Variants in TENM1 observed in about 807,000 individuals in gnomAD.
TENM1 encodes the protein teneurin transmembrane protein 1.
TENM1 carries 35 observed loss-of-function variants against 174.8 expected under a neutral mutation model. That is an observed-to-expected ratio of 0.20 (90% confidence interval 0.15 to 0.27). The LOEUF (loss-of-function observed/expected upper bound fraction) is 0.27. Ranked by LOEUF, TENM1 falls within the 10% of genes least tolerant of loss-of-function variation. TENM1 has a pLI of 1.00. For missense variants in TENM1, 1,633 were observed against 2,130.1 expected (o/e 0.77, Z 4.59); for synonymous variants, 781 against 798.7 (o/e 0.98, Z 0.37).
chrX:124,585,088 G>T (rs2049458674), intron 11 of TENM1, among the ~76,000 whole-genome samples: 1 of 110,206 alleles, frequency 9.1e-6, no homozygotes, highest in African/African-American at 3.3e-5. Flanking sequence ...ATAATAATGG[G>T]AGACTTTAAC....
chrX:124,993,280 G>C, the TENM1 span, among the ~76,000 whole-genome samples: 4 of 111,009 alleles, frequency 3.6e-5, no homozygotes, highest in African/African-American at 1.3e-4. Flanking sequence ...AAATGAGCTA[G>C]TATTTTATAA....
At chrX:124,862,593 G>C (rs1202085869) in intron 3 of TENM1, among the ~76,000 whole-genome samples, 1 of 111,241 alleles carries the variant, frequency 9.0e-6, no homozygotes, top group Non-Finnish European at 1.9e-5. Flanking sequence ...GCCAGGGAGG[G>C]AATCACTGAT....
intron 11 of TENM1, among the ~76,000 whole-genome samples, chrX:124,627,275 A>G (rs1314331633): frequency 1.8e-5 from 2 of 111,796 alleles, no homozygotes. Context: ...CTACTGTCAT[A>G]GTATGTGGTT....
the TENM1 span, among the ~76,000 whole-genome samples, chrX:125,096,284 C>T: frequency 1.8e-5 from 2 of 111,841 alleles, no homozygotes; most frequent in African/African-American, 6.5e-5. Context: ...GCTGATGTGG[C>T]TAAACAGCAA....
the TENM1 span, among the ~76,000 whole-genome samples, chrX:125,190,781 G>A: frequency 9.1e-6 from 1 of 110,489 alleles, no homozygotes; most frequent in African/African-American, 3.3e-5. Flanking sequence ...TAGTTATATA[G>A]TCTAATTACA....
At chrX:124,718,400 G>C (rs2053235925) in intron 4 of TENM1, among the ~76,000 whole-genome samples, 1 of 112,255 alleles carries the variant, frequency 8.9e-6, no homozygotes, top group South Asian at 3.7e-4. Context: ...ATGACACACT[G>C]TATTTTTCCA....
intron 3 of TENM1, among the ~76,000 whole-genome samples, chrX:124,886,144 T>A (rs953940883): frequency 1.2e-4 from 13 of 111,605 alleles, no homozygotes; most frequent in Admixed American, 8.6e-4. Context: ...CTCAGCCATA[T>A]TTTTTTCCTT....
intron 11 of TENM1, among the ~76,000 whole-genome samples, chrX:124,634,476 T>C (rs2050832086): frequency 9.0e-6 from 1 of 111,564 alleles, no homozygotes. Context: ...AAATATCTTA[T>C]ATGTGAGTGG....
chrX:124,869,874 C>G (rs928143273), intron 3 of TENM1, among the ~76,000 whole-genome samples: 1 of 110,335 alleles, frequency 9.1e-6, no homozygotes, highest in African/African-American at 3.3e-5. Context: ...TTAATGTATA[C>G]AAAAAATAGA....
intron 11 of TENM1, among the ~76,000 whole-genome samples, chrX:124,586,855 T>G (rs1441352261): frequency 9.2e-5 from 10 of 108,233 alleles, no homozygotes; most frequent in Non-Finnish European, 1.9e-4. Flanking sequence ...GGATACAAAA[T>G]CCATGTACAA....
intron 1 of TENM1, among the ~76,000 whole-genome samples, chrX:124,909,726 G>A (rs887464454): frequency 3.6e-5 from 4 of 111,955 alleles, no homozygotes; most frequent in Admixed American, 1.9e-4. Flanking sequence ...GTCTGCAGGC[G>A]GACAAATAAA....
intron 3 of TENM1, among the ~76,000 whole-genome samples, chrX:124,753,115 C>T (rs1419121057): frequency 9.2e-6 from 1 of 108,829 alleles, no homozygotes; most frequent in South Asian, 4.0e-4. Flanking sequence ...TCTTCCTACC[C>T]ATGAGCATGG....
chrX:124,927,282 T>C (rs753638715), intron 1 of TENM1, among the ~76,000 whole-genome samples: 4 of 111,737 alleles, frequency 3.6e-5, no homozygotes, highest in Non-Finnish European at 7.5e-5. Flanking sequence ...ACAGGACCTA[T>C]TGAAGACTTC....
At chrX:124,473,979 C>T (rs182277735) in intron 22 of TENM1, among the ~76,000 whole-genome samples, 36 of 111,108 alleles carry the variant, frequency 3.2e-4, no homozygotes, top group Admixed American at 1.1e-3. Context: ...GAGGAGGGGT[C>T]GGCTAGTCAA....
At chrX:124,940,494 T>C (rs1238591322) in intron 1 of TENM1, among the ~76,000 whole-genome samples, 3 of 111,927 alleles carry the variant, frequency 2.7e-5, no homozygotes, top group Non-Finnish European at 5.6e-5. Flanking sequence ...AAACTTTCTT[T>C]TGTTCCCTGA....
chrX:124,427,645 G>C (rs918329080), intron 23 of TENM1, among the ~76,000 whole-genome samples: 2 of 111,928 alleles, frequency 1.8e-5, no homozygotes, highest in Non-Finnish European at 3.8e-5. Context: ...ACCTCTCGTA[G>C]CTTGTCAGTT....
the TENM1 span, among the ~76,000 whole-genome samples, chrX:124,977,949 TG>T: frequency 1.9e-5 from 1 of 51,803 alleles, no homozygotes; most frequent in African/African-American, 7.6e-5. Flanking sequence ...AGTGTGTGTG[TG>T]TGTGTGTGTG....
intron 4 of TENM1, among the ~76,000 whole-genome samples, chrX:124,707,342 T>G (rs1206758462): frequency 8.9e-6 from 1 of 111,792 alleles, no homozygotes; most frequent in African/African-American, 3.3e-5. Context: ...TTTTTTATCT[T>G]TAATTGACAT....
chrX:124,790,545 G>A (rs1194216962), intron 3 of TENM1, among the ~76,000 whole-genome samples: 1 of 111,718 alleles, frequency 9.0e-6, no homozygotes, highest in Non-Finnish European at 1.9e-5. Context: ...TTTTCTCCAA[G>A]AGCCGTGAGG....
Sources: allele counts gnomAD v4.1 joint callset (sites outside exome capture counted in the v4.1 genomes callset), GRCh38; gene constraint gnomAD v4.1.1; transcripts MANE v1.5; gene names NCBI Gene and HGNC (gene_info 2026-07-23, HGNC 2026-07-21).